Variants in KCNG3 observed in about 807,000 individuals in gnomAD.
The protein encoded by KCNG3 is potassium voltage-gated channel modifier subfamily G member 3, also known as voltage-gated potassium channel regulatory subunit KCNG3.
A neutral mutation model predicts 29.0 loss-of-function variants in KCNG3; 15 were observed. The ratio of observed to expected loss-of-function variants is 0.52; its 90% CI spans 0.35 to 0.80. The LOEUF (loss-of-function observed/expected upper bound fraction) is 0.80, where lower values mean the gene tolerates loss of function less well. Ranked by LOEUF, KCNG3 falls within the 30% of genes least tolerant of loss-of-function variation. The probability of loss-of-function intolerance (pLI) is 0.01; values close to 1 mark genes in which losing one functional copy is unlikely to be tolerated. For missense variants in KCNG3, 512 were observed against 605.7 expected, an observed-to-expected ratio of 0.85 and a Z score of 1.62; for synonymous variants, 322 against 248.9, an observed-to-expected ratio of 1.29 and a Z score of -2.76.
chr2:42,408,513 T>C, the KCNG3 span, among the ~76,000 whole-genome samples: 1 of 151,878 alleles, frequency 6.6e-6, no homozygotes, highest in Non-Finnish European at 1.5e-5. Flanking sequence ...CTGCAGAGAT[T>C]TTGGGACAAC....
chr2:42,482,780 T>A (rs1673621258), intron 1 of KCNG3, among the ~76,000 whole-genome samples: 1 of 151,810 alleles, frequency 6.6e-6, no homozygotes, highest in South Asian at 2.1e-4. Flanking sequence ...ATCTTGTAAA[T>A]ATCCCAAAAA....
At chr2:42,486,900 C>T (rs1443268938) in intron 1 of KCNG3, among the ~76,000 whole-genome samples, 4 of 151,966 alleles carry the variant, frequency 2.6e-5, no homozygotes, top group East Asian at 1.9e-4. Flanking sequence ...GGCTCACTCC[C>T]GTAATCCCAG....
At chr2:42,393,959 T>C in the KCNG3 span, among the ~76,000 whole-genome samples, 2 of 152,030 alleles carry the variant, frequency 1.3e-5, no homozygotes, top group African/African-American at 4.8e-5. Flanking sequence ...TTTTGTACTT[T>C]TAGTAGAGAT....
At chr2:42,404,407 C>T in the KCNG3 span, among the ~76,000 whole-genome samples, 11 of 152,136 alleles carry the variant, frequency 7.2e-5, no homozygotes, top group East Asian at 3.9e-4. Flanking sequence ...CTAGAGCTGT[C>T]GAGAAGAGCT....
At chr2:42,474,977 G>A (rs1033611630) in intron 1 of KCNG3, among the ~76,000 whole-genome samples, 3 of 152,138 alleles carry the variant, frequency 2.0e-5, no homozygotes, top group African/African-American at 7.2e-5. Context: ...CAAGGGCAAG[G>A]AAGCTACCTT....
rs1202178679 is a variant in KCNG3, at chr2:42,455,810, G to T, written c.666-11231C>A. Among the ~76,000 whole-genome samples the T allele has an allele frequency of 2.0e-5, 3 of 151,298 alleles. No individual in the cohort carries two copies. In the East Asian group the frequency reaches 5.8e-4, roughly 29 times the overall value. ...TTAAAAATTAAAAAATTATATATAT[G>T]TATGTACAGCTGAAAGCTGAATCTG... On this transcript the variant is annotated intron_variant, in intron 1 of 1. Transcript: ENST00000306078.
intron 1 of KCNG3, among the ~76,000 whole-genome samples, chr2:42,475,142 A>G (rs1394707865): frequency 6.6e-6 from 1 of 152,170 alleles, no homozygotes; most frequent in Non-Finnish European, 1.5e-5. Context: ...TTTCTCTGCA[A>G]CAACAAAAAA....
chr2:42,462,617 C>G (rs6724626), intron 1 of KCNG3, among the ~76,000 whole-genome samples: 128,112 of 152,128 alleles, frequency 0.84, 54,033 homozygotes, highest in Middle Eastern at 0.94. Context: ...ACGAGGCAGA[C>G]GTTACAGTGG....
At chr2:42,408,376 C>A in the KCNG3 span, among the ~76,000 whole-genome samples, 5 of 152,114 alleles carry the variant, frequency 3.3e-5, no homozygotes, top group South Asian at 1.0e-3. Flanking sequence ...GCTAATGGAG[C>A]AATTGGTGTG....
chr2:42,459,193 T>C, intron 1 of KCNG3, among the ~76,000 whole-genome samples: 1 of 123,202 alleles, frequency 8.1e-6, no homozygotes, highest in South Asian at 2.8e-4. Context: ...CGAAACTCCA[T>C]CGTCTCAAAA....
In KCNG3 at chr2:42,461,182, C is replaced by CAAAAAAAAAAAAAAAA. The variant is rs34199989; in HGVS notation, c.666-16619_666-16604dup. Among the ~76,000 whole-genome samples the CAAAAAAAAAAAAAAAA allele has an allele frequency of 7.3e-4, 41 of 56,402 alleles. 1 individual carries two copies. The highest frequency in any genetic ancestry group is 2.1e-3 in the East Asian group (3 of 1,414). The allele number at this position is 56,402 out of a possible 152,430, so 37.0% of individuals were successfully genotyped here. A position where few individuals can be genotyped will look rare whatever the true frequency, so the allele number is the denominator to read the frequency against. On this transcript the variant is annotated intron_variant, in intron 1 of 1. Transcript: ENST00000306078. ...TCTCCAAAAACAAAACAAAACAAAA[C>CAAAAAAAAAAAAAAAA]AAAAAAAAAAAAAAAAAAAAAAAGG...
In KCNG3 at chr2:42,455,282, C is replaced by T. The variant is rs187319581; in HGVS notation, c.666-10703G>A. On this transcript the variant is annotated intron_variant, in intron 1 of 1. Transcript: ENST00000306078. ...ACGCCCAGCAAGTTGGACTGCTCAG[C>T]CACACTACCCGTGGGGTCAATGGAA... 2.7e-4 allele frequency among the ~76,000 whole-genome samples: 41 copies of T among 152,260 alleles called. 1 individual carries two copies. In the East Asian group the frequency reaches 7.1e-3, roughly 27 times the overall value.
chr2:42,439,631 C>T (rs1672433130), downstream of KCNG3, among the ~76,000 whole-genome samples: 1 of 136,272 alleles, frequency 7.3e-6, no homozygotes, highest in Non-Finnish European at 1.6e-5. Context: ...CGGGGAACAC[C>T]AAAGCCCTAA....
chr2:42,419,446 T>C, the KCNG3 span, among the ~76,000 whole-genome samples: 1 of 151,910 alleles, frequency 6.6e-6, no homozygotes, highest in Middle Eastern at 3.2e-3. Flanking sequence ...TTCGCCATGT[T>C]GGTCAGGCTG....
intron 1 of KCNG3, among the ~76,000 whole-genome samples, chr2:42,470,744 C>T (rs1673264802): frequency 6.6e-6 from 1 of 151,562 alleles, no homozygotes; most frequent in Non-Finnish European, 1.5e-5. Flanking sequence ...GACGTGGTGG[C>T]ATATGTCTGT....
At chr2:42,440,208 T>TA (rs778948797), downstream of KCNG3, among the ~76,000 whole-genome samples, 1 of 152,310 alleles carries the variant, frequency 6.6e-6, no homozygotes, top group Non-Finnish European at 1.5e-5. Flanking sequence ...TATGACCCTA[T>TA]AAAATGATTA....
intron 1 of KCNG3, among the ~76,000 whole-genome samples, chr2:42,449,705 C>T (rs1351376069): frequency 6.6e-6 from 1 of 151,894 alleles, no homozygotes; most frequent in Non-Finnish European, 1.5e-5. Flanking sequence ...CCCGCCTTGG[C>T]CTCCCAGAGT....
At chr2:42,435,047 A>T in the KCNG3 span, among the ~76,000 whole-genome samples, 1 of 152,228 alleles carries the variant, frequency 6.6e-6, no homozygotes, top group East Asian at 1.9e-4. Flanking sequence ...TCATGCCTGC[A>T]ATCCTAGTAC....
chr2:42,448,399 G>T lies in KCNG3; in HGVS notation c.666-3820C>A, dbSNP rs7560783. 2.7e-3 allele frequency among the ~76,000 whole-genome samples: 403 copies of T among 149,912 alleles called. 3 individuals carry two copies. The highest frequency in any genetic ancestry group is 8.8e-3 in the African/African-American group (363 of 41,134). On this transcript the variant is annotated intron_variant, in intron 1 of 1. Coordinates refer to ENST00000306078, the MANE Select transcript of KCNG3 (RefSeq NM_133329.6). ...TATTTATTTATTTTTTGTATGGCATGCAACCTAAGAATGGTTCCTAATTTT... is the reference window on the plus strand; with the variant it reads ...TATTTATTTATTTTTTGTATGGCATTCAACCTAAGAATGGTTCCTAATTTT...
Sources: allele counts gnomAD v4.1 joint callset (sites outside exome capture counted in the v4.1 genomes callset), GRCh38; gene constraint gnomAD v4.1.1; transcripts MANE v1.5; gene names NCBI Gene and HGNC (gene_info 2026-07-23, HGNC 2026-07-21).